The following BLTP3B variants were observed in gnomAD, a reference collection of about 807,000 sequenced individuals.
BLTP3B encodes UHRF1 (ICBP90) binding protein 1-like.
chr12:100,084,687 G>A, the BLTP3B span: 30,090 of 1,587,586 alleles, frequency 0.019, 341 homozygotes, highest in Non-Finnish European at 0.022. Flanking sequence ...GTATTTCATT[G>A]AAAAATGTAC....
At chr12:100,084,579 T>C in the BLTP3B span, 1 of 1,614,064 alleles carries the variant, frequency 6.2e-7, no homozygotes. Flanking sequence ...TGCACTCAAA[T>C]TCATGCAATA....
chr12:100,109,159 CCTCTCT>C, the BLTP3B span, among the ~76,000 whole-genome samples: 4,249 of 65,060 alleles, frequency 0.065, 155 homozygotes, highest in East Asian at 0.14. Flanking sequence ...TGGCAGTTTT[CCTCTCT>C]CTCTCTCTCT....
At chr12:100,135,316 TG>T in the BLTP3B span, among the ~76,000 whole-genome samples, 4 of 149,866 alleles carry the variant, frequency 2.7e-5, no homozygotes, top group Non-Finnish European at 4.4e-5. Flanking sequence ...CTCTGCAGGC[TG>T]GAGTGTAGTG....
the BLTP3B span, chr12:100,048,231 A>G: frequency 2.6e-6 from 4 of 1,544,392 alleles, no homozygotes; most frequent in Non-Finnish European, 3.5e-6. Flanking sequence ...TGTTTGTAGC[A>G]TTATTCAATA....
the BLTP3B span, among the ~76,000 whole-genome samples, chr12:100,074,429 T>C: frequency 6.6e-6 from 1 of 151,952 alleles, no homozygotes; most frequent in African/African-American, 2.4e-5. Context: ...CGAAACCCCA[T>C]CTCTACCAAA....
chr12:100,126,104 T>G, the BLTP3B span, among the ~76,000 whole-genome samples: 1 of 152,040 alleles, frequency 6.6e-6, no homozygotes, highest in Non-Finnish European at 1.5e-5. Flanking sequence ...TCTATTAAAA[T>G]AAAGAAAATA....
chr12:100,081,521 C>T, the BLTP3B span, among the ~76,000 whole-genome samples: 4 of 152,098 alleles, frequency 2.6e-5, no homozygotes, highest in Non-Finnish European at 4.4e-5. Flanking sequence ...ACCCAAGTAG[C>T]GGGCATAGTA....
At chr12:100,127,784 G>T in the BLTP3B span, among the ~76,000 whole-genome samples, 5 of 152,116 alleles carry the variant, frequency 3.3e-5, no homozygotes, top group Admixed American at 1.3e-4. Context: ...AGGCCTAGGT[G>T]GGGGGACTGC....
At chr12:100,087,984 C>T in the BLTP3B span, among the ~76,000 whole-genome samples, 1 of 152,168 alleles carries the variant, frequency 6.6e-6, no homozygotes, top group African/African-American at 2.4e-5. Context: ...ACAAATCCCT[C>T]CACAAACCCC....
the BLTP3B span, among the ~76,000 whole-genome samples, chr12:100,114,465 T>G: frequency 6.6e-6 from 1 of 152,228 alleles, no homozygotes; most frequent in African/African-American, 2.4e-5. Flanking sequence ...ATCCTTAATA[T>G]GAACCAGTAA....
chr12:100,072,905 ACAAAACTTTG>A, the BLTP3B span: 7 of 1,384,682 alleles, frequency 5.1e-6, no homozygotes, highest in Non-Finnish European at 5.8e-6. Context: ...AAAACTACTT[ACAAAACTTTG>A]CTAATGGTTA....
chr12:100,083,112 C>G, the BLTP3B span: 1 of 1,613,546 alleles, frequency 6.2e-7, no homozygotes, highest in Non-Finnish European at 8.5e-7. Context: ...TTCTGCATGT[C>G]CCTTTCAGAG....
the BLTP3B span, chr12:100,082,917 A>T: frequency 1.2e-6 from 1 of 850,486 alleles, no homozygotes. Flanking sequence ...TAAACCTTGT[A>T]AAGATTTTTT....
At chr12:100,125,966 C>T in the BLTP3B span, among the ~76,000 whole-genome samples, 1 of 152,160 alleles carries the variant, frequency 6.6e-6, no homozygotes. Context: ...GATCAATTCT[C>T]TTAACAGTAA....
chr12:100,093,637 T>C, the BLTP3B span, among the ~76,000 whole-genome samples: 11 of 152,262 alleles, frequency 7.2e-5, no homozygotes, highest in African/African-American at 1.2e-4. Flanking sequence ...ATTTATAAAG[T>C]AGGATTAGAG....
At chr12:100,075,034 C>T in the BLTP3B span, among the ~76,000 whole-genome samples, 6 of 148,882 alleles carry the variant, frequency 4.0e-5, no homozygotes, top group African/African-American at 1.2e-4. Flanking sequence ...TTTTTTGAGA[C>T]GGAGTCTAGC....
chr12:100,124,976 A>ATATATATATT, the BLTP3B span, among the ~76,000 whole-genome samples: 4 of 94,892 alleles, frequency 4.2e-5, no homozygotes, highest in Non-Finnish European at 6.0e-5. Context: ...ATATATATAT[A>ATATATATATT]TATTTATATT....
At chr12:100,086,141 G>T in the BLTP3B span, 1 of 491,436 alleles carries the variant, frequency 2.0e-6, no homozygotes, top group Non-Finnish European at 3.4e-6. Flanking sequence ...ATGAAATACT[G>T]CCAGGAGAAA....
the BLTP3B span, among the ~76,000 whole-genome samples, chr12:100,116,460 A>AG: frequency 1.3e-5 from 2 of 151,204 alleles, no homozygotes; most frequent in African/African-American, 4.8e-5. Context: ...AAAAAAAAAA[A>AG]AAAAAAGAAA....
Sources: allele counts gnomAD v4.1 joint callset (sites outside exome capture counted in the v4.1 genomes callset), GRCh38; gene constraint gnomAD v4.1.1; transcripts MANE v1.5; gene names NCBI Gene and HGNC (gene_info 2026-07-23, HGNC 2026-07-21).